The following GPHN variants were observed in gnomAD, a reference collection of about 807,000 sequenced individuals.
GPHN encodes gephyrin.
GPHN carries 17 observed loss-of-function variants against 95.5 expected under a neutral mutation model. The ratio of observed to expected loss-of-function variants is 0.18; its 90% CI spans 0.12 to 0.27. The LOEUF (loss-of-function observed/expected upper bound fraction) is 0.27. GPHN is among the 10% of genes least tolerant of loss of function. GPHN has a pLI of 1.00. For missense variants in GPHN, 660 were observed against 978.1 expected, an observed-to-expected ratio of 0.67 and a Z score of 4.34; for synonymous variants, 320 against 322.5, an observed-to-expected ratio of 0.99 and a Z score of 0.08.
At chr14:67,475,147 T>C in the GPHN span, among the ~76,000 whole-genome samples, 1 of 152,174 alleles carries the variant, frequency 6.6e-6, no homozygotes, top group Non-Finnish European at 1.5e-5. Context: ...GCCCCTGAGC[T>C]CAGGTGATCC....
chr14:67,330,194 T>C, the GPHN span, among the ~76,000 whole-genome samples: 4,413 of 150,380 alleles, frequency 0.029, 87 homozygotes, highest in Non-Finnish European at 0.036. Flanking sequence ...TCAGACACTT[T>C]AGCAAAAGAA....
the GPHN span, among the ~76,000 whole-genome samples, chr14:67,237,646 T>C: frequency 3.9e-5 from 6 of 152,122 alleles, no homozygotes; most frequent in Non-Finnish European, 7.4e-5. Flanking sequence ...AATAAAATAG[T>C]GTGGTATTTT....
chr14:67,600,323 G>T, the GPHN span: 1 of 847,538 alleles, frequency 1.2e-6, no homozygotes, highest in South Asian at 1.9e-5. Context: ...CCCTAAGCCT[G>T]CGCAGCCTCA....
At chr14:67,434,647 G>C in the GPHN span, among the ~76,000 whole-genome samples, 1 of 152,146 alleles carries the variant, frequency 6.6e-6, no homozygotes, top group African/African-American at 2.4e-5. Context: ...GAATGTTTCA[G>C]GTAACAGACC....
the GPHN span, among the ~76,000 whole-genome samples, chr14:67,513,204 G>A: frequency 3.9e-5 from 6 of 152,198 alleles, no homozygotes; most frequent in African/African-American, 1.4e-4. Flanking sequence ...GAGGCTCGGA[G>A]GTCAGGCCTC....
intron 18 of GPHN, among the ~76,000 whole-genome samples, chr14:67,144,284 T>TATATATATAC (rs2080758724): frequency 1.9e-5 from 2 of 105,636 alleles, no homozygotes; most frequent in Non-Finnish European, 3.8e-5. Context: ...TATATATATA[T>TATATATATAC]ATACACACAC....
At chr14:66,765,606 A>C (rs952549257) in intron 2 of GPHN, among the ~76,000 whole-genome samples, 2 of 152,170 alleles carry the variant, frequency 1.3e-5, no homozygotes, top group Non-Finnish European at 2.9e-5. Flanking sequence ...AGTGGGGCCT[A>C]CTTGAGGGTA....
At chr14:67,617,069 G>A in the GPHN span, 1 of 152,062 alleles carries the variant, frequency 6.6e-6, no homozygotes, top group Admixed American at 6.6e-5. Flanking sequence ...TAGAGACGGG[G>A]TTTCACCATG....
the GPHN span, among the ~76,000 whole-genome samples, chr14:67,250,054 G>C: frequency 2.0e-5 from 3 of 152,104 alleles, no homozygotes; most frequent in Admixed American, 1.3e-4. Flanking sequence ...TTATGAAGCT[G>C]GTTGAGATTC....
At chr14:67,347,649 C>T in the GPHN span, among the ~76,000 whole-genome samples, 1 of 151,910 alleles carries the variant, frequency 6.6e-6, no homozygotes, top group African/African-American at 2.4e-5. Context: ...TACAGGCATG[C>T]ACCACCACAC....
intron 1 of GPHN, among the ~76,000 whole-genome samples, chr14:66,534,061 C>A (rs1318632693): frequency 6.6e-6 from 1 of 152,074 alleles, no homozygotes; most frequent in Admixed American, 6.5e-5. Flanking sequence ...CCAGTGTATC[C>A]TTTATTGTAA....
At position 66,688,768 on chromosome 14, in the gene GPHN, C is replaced by A. The variant is rs112210513; in HGVS notation, c.143+7583C>A. Among the ~76,000 whole-genome samples, 554 of 152,220 alleles carry A rather than the reference C, an allele frequency of 3.6e-3. 11 individuals are homozygous for A. Among genetic ancestry groups the A allele is most frequent in the African/African-American group, 0.013 (528 of 41,520 alleles). ...AAGTTGTGAAAGTCCTTTGCAGGGA[C>A]ATGGATGAAGCTGGAAACCATCATT... On this transcript the variant is annotated intron_variant, in intron 2 of 22. Coordinates refer to ENST00000478722, the MANE Select transcript of GPHN (RefSeq NM_020806.5).
intron 4 of GPHN, among the ~76,000 whole-genome samples, chr14:66,841,023 A>ATATAGATATAGG (rs1167247287): frequency 1.1e-5 from 1 of 88,330 alleles, no homozygotes; most frequent in Non-Finnish European, 2.6e-5. Flanking sequence ...ATAGATATAG[A>ATATAGATATAGG]TATAGATATA....
chr14:66,561,074 G>T (rs1042748573), intron 1 of GPHN, among the ~76,000 whole-genome samples: 1 of 152,156 alleles, frequency 6.6e-6, no homozygotes, highest in African/African-American at 2.4e-5. Flanking sequence ...AACCAGCCTT[G>T]CATCCCAGGG....
At chr14:67,509,170 C>T in the GPHN span, among the ~76,000 whole-genome samples, 1 of 152,080 alleles carries the variant, frequency 6.6e-6, no homozygotes, top group Admixed American at 6.6e-5. Flanking sequence ...AAGCGTGTTC[C>T]CTTTACAGTA....
At chr14:67,654,781 G>C in the GPHN span, among the ~76,000 whole-genome samples, 3 of 152,060 alleles carry the variant, frequency 2.0e-5, no homozygotes, top group Non-Finnish European at 4.4e-5. Flanking sequence ...TATAATTCTA[G>C]CACTTTGGGA....
intron 4 of GPHN, among the ~76,000 whole-genome samples, chr14:66,846,970 C>T (rs891322856): frequency 1.5e-4 from 23 of 152,072 alleles, no homozygotes; most frequent in African/African-American, 4.8e-4. Context: ...AAGGTTTAGT[C>T]ATATTCATTA....
intron 5 of GPHN, among the ~76,000 whole-genome samples, chr14:66,904,475 G>A (rs186951675): frequency 1.3e-5 from 2 of 152,246 alleles, no homozygotes; most frequent in Admixed American, 1.3e-4. Flanking sequence ...CAAACCTCTA[G>A]CTAGCTGTAG....
the GPHN span, among the ~76,000 whole-genome samples, chr14:67,215,550 A>G: frequency 6.6e-6 from 1 of 152,124 alleles, no homozygotes; most frequent in African/African-American, 2.4e-5. Flanking sequence ...GTGAGAGTAA[A>G]GTAGGAAGAG....
Sources: allele counts gnomAD v4.1 joint callset (sites outside exome capture counted in the v4.1 genomes callset), GRCh38; gene constraint gnomAD v4.1.1; transcripts MANE v1.5; gene names NCBI Gene and HGNC (gene_info 2026-07-23, HGNC 2026-07-21).